MBOAT2: variants seen among roughly 807,000 people sequenced by gnomAD.
The protein encoded by MBOAT2 is membrane bound glycerophospholipid O-acyltransferase 2.
MBOAT2 carries 28 observed loss-of-function variants against 63.4 expected under a neutral mutation model. The observed-to-expected ratio is 0.44, with a 90% CI of 0.33 to 0.61. The LOEUF (loss-of-function observed/expected upper bound fraction) is 0.61, where lower values mean the gene tolerates loss of function less well. Among genes scored for constraint, MBOAT2 ranks in the 20% least tolerant of loss-of-function variants. MBOAT2 has a pLI of 0.03. For missense variants in MBOAT2, 470 were observed against 605.8 expected (o/e 0.78, Z 2.35); for synonymous variants, 211 against 215.6 (o/e 0.98, Z 0.19).
chr2:8,891,465 C>G (rs1464040887), intron 4 of MBOAT2, among the ~76,000 whole-genome samples: 1 of 152,164 alleles, frequency 6.6e-6, no homozygotes. Context: ...GTGCAGGAAG[C>G]ATTTACAACA....
At chr2:8,871,641 T>C (rs1662333303) in intron 8 of MBOAT2, among the ~76,000 whole-genome samples, 1 of 152,198 alleles carries the variant, frequency 6.6e-6, no homozygotes, top group South Asian at 2.1e-4. Context: ...TAGATTAAAA[T>C]CCATAAGGTA....
intron 3 of MBOAT2, among the ~76,000 whole-genome samples, chr2:8,918,944 C>T (rs1298654486): frequency 7.2e-5 from 11 of 152,084 alleles, no homozygotes; most frequent in Non-Finnish European, 1.6e-4. Context: ...AGGCAACCAC[C>T]GATCATTTTC....
chr2:8,995,050 G>A (rs976884489), intron 1 of MBOAT2, among the ~76,000 whole-genome samples: 3 of 151,726 alleles, frequency 2.0e-5, no homozygotes, highest in Non-Finnish European at 2.9e-5. Context: ...GTCAGGGGTC[G>A]GGGGTTGAAT....
intron 1 of MBOAT2, among the ~76,000 whole-genome samples, chr2:9,001,923 AT>A (rs775408999): frequency 2.6e-5 from 4 of 152,142 alleles, no homozygotes; most frequent in Admixed American, 1.3e-4. Context: ...AGAAATGTAA[AT>A]ATATAAACCT....
chr2:8,970,838 T>C (rs1670393387), intron 1 of MBOAT2, among the ~76,000 whole-genome samples: 1 of 152,214 alleles, frequency 6.6e-6, no homozygotes, highest in South Asian at 2.1e-4. Context: ...GTTGAATCTC[T>C]GAATAGACCA....
Position 8,854,639 on chromosome 2 carries a change from T to C in MBOAT2, c.*4040A>G, listed in dbSNP as rs1008381027. On this transcript the variant is annotated 3_prime_UTR_variant, in exon 13 of 13. Transcript: ENST00000305997. ...CCAATTAACTAATAATTGTGAACAG[T>C]TGATAAGGAAACAAAAAAAGTATAA... 1.8e-4 allele frequency: 28 copies of C among 152,190 alleles called. No homozygotes were observed. Among genetic ancestry groups the C allele is most frequent in the Non-Finnish European group, 1.0e-4 (7 of 68,026 alleles). The allele number at this position is 152,190 out of a possible 1,614,324, so 9.4% of individuals were successfully genotyped here.
chr2:8,902,607 G>A (rs1001790922), intron 4 of MBOAT2, among the ~76,000 whole-genome samples: 3 of 152,006 alleles, frequency 2.0e-5, no homozygotes, highest in East Asian at 1.9e-4. Context: ...CGGTGGGTTC[G>A]TGGTCTCACT....
intron 1 of MBOAT2, among the ~76,000 whole-genome samples, chr2:8,961,602 G>C (rs1161598229): frequency 6.6e-6 from 1 of 151,772 alleles, no homozygotes; most frequent in Non-Finnish European, 1.5e-5. Flanking sequence ...AAAAAAAAAA[G>C]CTAGATATTT....
intron 1 of MBOAT2, among the ~76,000 whole-genome samples, chr2:8,973,967 A>G (rs1018139251): frequency 6.6e-6 from 1 of 152,182 alleles, no homozygotes; most frequent in African/African-American, 2.4e-5. Flanking sequence ...GATAATATCA[A>G]AATTGGAAAA....
At chr2:8,882,727 G>A (rs190465772) in intron 5 of MBOAT2, among the ~76,000 whole-genome samples, 162 bp from the exon 6 acceptor site, 15 of 152,154 alleles carry the variant, frequency 9.9e-5, no homozygotes, top group Admixed American at 3.3e-4. Flanking sequence ...ACACAGCCTC[G>A]ATCATGTGAA....
At chr2:8,872,528 C>T (rs560295691) in intron 8 of MBOAT2, among the ~76,000 whole-genome samples, 1 of 152,280 alleles carries the variant, frequency 6.6e-6, no homozygotes, top group East Asian at 1.9e-4. Context: ...GTGATCCTCC[C>T]ACCTTGAACT....
chr2:8,914,321 AT>A (rs1432951282), intron 3 of MBOAT2, among the ~76,000 whole-genome samples: 4 of 152,178 alleles, frequency 2.6e-5, no homozygotes, highest in Non-Finnish European at 4.4e-5. Context: ...AAACAATCTC[AT>A]TAACATAAGC....
At chr2:8,884,472 T>C (rs1663398086) in intron 5 of MBOAT2, among the ~76,000 whole-genome samples, 1 of 109,918 alleles carries the variant, frequency 9.1e-6, no homozygotes, top group Non-Finnish European at 1.8e-5. Context: ...ATATATGTTG[T>C]CCACCTTTTC....
intron 1 of MBOAT2, among the ~76,000 whole-genome samples, chr2:8,965,116 T>C (rs1166189163): frequency 6.6e-6 from 1 of 152,214 alleles, no homozygotes; most frequent in Non-Finnish European, 1.5e-5. Context: ...ATTACACGAA[T>C]ACATGGACAC....
chr2:8,909,885 T>C (rs1442667483), intron 3 of MBOAT2, among the ~76,000 whole-genome samples: 1 of 152,146 alleles, frequency 6.6e-6, no homozygotes, highest in Non-Finnish European at 1.5e-5. Flanking sequence ...CAAAACAGTA[T>C]CTCCCATTTT....
chr2:8,937,975 G>A (rs905554701), intron 3 of MBOAT2, among the ~76,000 whole-genome samples: 3 of 152,076 alleles, frequency 2.0e-5, no homozygotes, highest in Admixed American at 1.3e-4. Flanking sequence ...CTGCCACCAC[G>A]GTGCTGAATT....
intron 1 of MBOAT2, among the ~76,000 whole-genome samples, chr2:8,961,057 A>G (rs2103281860): frequency 6.6e-6 from 1 of 152,356 alleles, no homozygotes; most frequent in South Asian, 2.1e-4. Context: ...AAACCATGGA[A>G]GATTTTTAAA....
intron 6 of MBOAT2, among the ~76,000 whole-genome samples, chr2:8,881,793 G>A (rs1292234870): frequency 6.6e-6 from 1 of 151,982 alleles, no homozygotes; most frequent in African/African-American, 2.4e-5. Flanking sequence ...TGGGATGAAA[G>A]ATGAATACTT....
rs184654125 is a variant in MBOAT2 at position 8,968,977 on chromosome 2, T to G, written c.76-10335A>C. On this transcript the variant is annotated intron_variant, in intron 1 of 12. Coordinates refer to ENST00000305997, the MANE Select transcript of MBOAT2 (RefSeq NM_138799.4). The stretch of plus-strand genomic sequence containing the variant: ...TCTGCAGGATATTATCCAGAAGAAC[T>G]TCCCCAACCTAGAAAGGCAGGCCAA... Among the ~76,000 whole-genome samples the G allele has an allele frequency of 4.6e-5, 7 of 152,280 alleles. No homozygotes were observed. In the East Asian group the frequency reaches 1.2e-3, roughly 25 times the overall value.
Sources: allele counts gnomAD v4.1 joint callset (sites outside exome capture counted in the v4.1 genomes callset), GRCh38; gene constraint gnomAD v4.1.1; transcripts MANE v1.5; gene names NCBI Gene and HGNC (gene_info 2026-07-23, HGNC 2026-07-21).